STK32B: variants seen among roughly 807,000 people sequenced by gnomAD.
The protein encoded by STK32B is serine/threonine kinase 32B.
STK32B carries 43 observed loss-of-function variants against 52.6 expected under a neutral mutation model. That is an observed-to-expected ratio of 0.82 (90% confidence interval 0.64 to 1.05). The LOEUF is 1.05. STK32B is among the 50% of genes least tolerant of loss of function. STK32B has a pLI of 0.00. For synonymous variants in STK32B, 238 were observed against 204.3 expected, an observed-to-expected ratio of 1.17 and a Z score of -1.41; for missense variants, 621 against 534.6, an observed-to-expected ratio of 1.16 and a Z score of -1.59.
At chr4:5,019,580 A>G in the STK32B span, 1 of 958,056 alleles carries the variant, frequency 1.0e-6, no homozygotes, top group East Asian at 3.3e-5. Context: ...AGAGGAAGCC[A>G]GCACGCCCAC....
chr4:5,049,036 A>C (rs1325674089), upstream of STK32B, among the ~76,000 whole-genome samples: 1 of 152,322 alleles, frequency 6.6e-6, no homozygotes, highest in Admixed American at 6.5e-5. Context: ...CTGCAAGACT[A>C]ATTCCAGCCG....
intron 3 of STK32B, among the ~76,000 whole-genome samples, chr4:5,233,325 G>A (rs1724407071): frequency 6.6e-6 from 1 of 152,184 alleles, no homozygotes; most frequent in South Asian, 2.1e-4. Context: ...GGATTGACGT[G>A]TGCTGAGGAA....
At chr4:5,290,243 G>C (rs10022445) in intron 3 of STK32B, among the ~76,000 whole-genome samples, 16,230 of 151,894 alleles carry the variant, frequency 0.11, 901 homozygotes, top group South Asian at 0.17. Flanking sequence ...ATAAATCGAC[G>C]TTAGTATACT....
rs531759014 is a variant in STK32B, at chr4:5,486,258, T to G, written c.1107-12687T>G. ...ACCCAGTTCGAGCTTCCCAGCCTCT[T>G]TGTTTACCTACTCAAGCCTTGGCAA... is the stretch of plus-strand genomic sequence containing the variant. On this transcript the variant is annotated intron_variant, in intron 11 of 11. Coordinates refer to ENST00000282908, the MANE Select transcript of STK32B (RefSeq NM_018401.3). 4.3e-3 allele frequency among the ~76,000 whole-genome samples: 648 copies of G among 152,260 alleles called. 4 individuals are homozygous for G. Among genetic ancestry groups the G allele is most frequent in the African/African-American group, 0.012 (505 of 41,564 alleles).
intron 3 of STK32B, among the ~76,000 whole-genome samples, chr4:5,226,026 G>A (rs1383212504): frequency 6.6e-6 from 1 of 152,186 alleles, no homozygotes; most frequent in East Asian, 1.9e-4. Context: ...CATGTGCTCA[G>A]CACTGTGTGT....
chr4:5,324,662 C>G (rs948077937), intron 3 of STK32B, among the ~76,000 whole-genome samples: 3 of 152,194 alleles, frequency 2.0e-5, no homozygotes, highest in African/African-American at 7.2e-5. Context: ...ACAACAAAAA[C>G]TGTCTCCACA....
intron 3 of STK32B, among the ~76,000 whole-genome samples, chr4:5,203,652 C>T (rs781026548): frequency 2.6e-5 from 4 of 152,320 alleles, no homozygotes; most frequent in African/African-American, 4.8e-5. Flanking sequence ...CCTGATACGG[C>T]GCACAGTACT....
At position 5,051,876 on chromosome 4, in the gene STK32B, C is replaced by G. The variant is rs1741799154; in HGVS notation, c.13C>G (p.His5Asp). The change falls in exon 1 of 12, where the codon CAC (histidine) becomes GAC (aspartate). Residue 5 changes from histidine to aspartate, a missense_variant. Transcript: ENST00000282908. MGGN[H>D]SHKPPVFDEN... Reference sequence around the variant, plus strand: ...GCAACGGCGGAATATGGGCGGGAACCACTCCCACAAGCCCCCCGTGTTTGA... The same window carrying G: ...GCAACGGCGGAATATGGGCGGGAACGACTCCCACAAGCCCCCCGTGTTTGA... 1.9e-6 allele frequency: 3 copies of G among 1,599,978 alleles called. No individual in the cohort carries two copies. Among genetic ancestry groups the G allele is most frequent in the Non-Finnish European group, 2.6e-6 (3 of 1,173,802 alleles).
At chr4:5,298,996 TAGCACTGTCGCTCAC>T (rs1026527370) in intron 3 of STK32B, among the ~76,000 whole-genome samples, 2 of 152,060 alleles carry the variant, frequency 1.3e-5, no homozygotes, top group Admixed American at 1.3e-4. Flanking sequence ...CTGGGCCAGA[TAGCACTGTCGCTCAC>T]GGCACAGTCC....
At chr4:5,459,282 GCCCCC>G (rs55688341) in intron 8 of STK32B, among the ~76,000 whole-genome samples, 9 of 133,118 alleles carry the variant, frequency 6.8e-5, no homozygotes, top group Non-Finnish European at 1.3e-4. Flanking sequence ...ACCCTGGTGT[GCCCCC>G]CCCCCCCACC....
At chr4:5,165,422 C>T (rs1718789789) in intron 2 of STK32B, among the ~76,000 whole-genome samples, 1 of 152,152 alleles carries the variant, frequency 6.6e-6, no homozygotes, top group Non-Finnish European at 1.5e-5. Flanking sequence ...AGAGCTGTCC[C>T]TTGAAACCCA....
chr4:5,060,439 G>C (rs2108757647), intron 1 of STK32B, among the ~76,000 whole-genome samples: 1 of 151,876 alleles, frequency 6.6e-6, no homozygotes, highest in East Asian at 1.9e-4. Flanking sequence ...TGGTTTATCA[G>C]TTTTTAAATT....
intron 5 of STK32B, among the ~76,000 whole-genome samples, chr4:5,409,088 A>G (rs548716340): frequency 5.3e-5 from 8 of 151,896 alleles, no homozygotes; most frequent in Non-Finnish European, 1.0e-4. Flanking sequence ...GCCCCAGCGA[A>G]CTCCTCCATC....
chr4:5,448,944 G>A (rs1447926541), intron 7 of STK32B, among the ~76,000 whole-genome samples: 3 of 152,162 alleles, frequency 2.0e-5, no homozygotes, highest in East Asian at 1.9e-4. Context: ...CATGGACTAC[G>A]TAAATTTAGG....
chr4:5,026,225 A>G, the STK32B span, among the ~76,000 whole-genome samples: 1 of 152,362 alleles, frequency 6.6e-6, no homozygotes. Flanking sequence ...CTGTTCAGAC[A>G]GGCATATTCC....
At chr4:5,341,704 G>A (rs953211100) in intron 4 of STK32B, among the ~76,000 whole-genome samples, 4 of 152,114 alleles carry the variant, frequency 2.6e-5, no homozygotes, top group Admixed American at 1.3e-4. Flanking sequence ...ATGGTTCTGC[G>A]GGCTGCACGG....
chr4:5,099,458 G>GCA (rs1577067254), intron 1 of STK32B, among the ~76,000 whole-genome samples: 2 of 77,842 alleles, frequency 2.6e-5, no homozygotes, highest in East Asian at 4.1e-4. Context: ...GTGCGCGCGC[G>GCA]CGTATGTGAT....
chr4:5,332,260 A>C (rs1291169566), intron 4 of STK32B, among the ~76,000 whole-genome samples: 2 of 152,216 alleles, frequency 1.3e-5, no homozygotes, highest in East Asian at 3.8e-4. Context: ...AAAGGGGACT[A>C]CAGTCAAAAC....
intron 11 of STK32B, among the ~76,000 whole-genome samples, chr4:5,491,332 T>C (rs1048082935): frequency 3.3e-5 from 5 of 152,240 alleles, no homozygotes; most frequent in African/African-American, 7.2e-5. Context: ...TGGCCAGTGA[T>C]GGTGAGCATT....
Sources: gnomAD v4.1 joint callset for allele counts (sites outside exome capture counted in the v4.1 genomes callset) on GRCh38, gnomAD v4.1.1 for gene constraint, MANE v1.5 for transcripts, NCBI Gene and HGNC (gene_info 2026-07-23, HGNC 2026-07-21) for gene names.